Variants in PDZRN4 observed in about 807,000 individuals in gnomAD.
PDZRN4 encodes PDZ domain containing ring finger 4, also known as PDZ domain-containing RING finger protein 4.
Under a neutral mutation model 99.0 loss-of-function variants are expected in PDZRN4, and 70 were observed. The ratio of observed to expected loss-of-function variants is 0.71; its 90% CI spans 0.58 to 0.86. PDZRN4 has a LOEUF of 0.86. PDZRN4 is among the 40% of genes least tolerant of loss of function. The pLI is 0.00. For synonymous variants in PDZRN4, 551 were observed against 501.6 expected (o/e 1.10, Z -1.32); for missense variants, 1,474 against 1,331.2 (o/e 1.11, Z -1.67).
chr12:41,569,622 C>T (rs1053017858), intron 9 of PDZRN4, among the ~76,000 whole-genome samples: 4 of 152,194 alleles, frequency 2.6e-5, no homozygotes, highest in African/African-American at 7.2e-5. Context: ...GGCTTAGAAA[C>T]TTGCAGCACA....
At chr12:41,215,629 A>T (rs1950915161) in intron 3 of PDZRN4, among the ~76,000 whole-genome samples, 1 of 152,034 alleles carries the variant, frequency 6.6e-6, no homozygotes, top group Non-Finnish European at 1.5e-5. Flanking sequence ...TGCCATGATG[A>T]TTACATAGAC....
chr12:41,346,039 G>T (rs936154998), intron 3 of PDZRN4, among the ~76,000 whole-genome samples: 1 of 152,018 alleles, frequency 6.6e-6, no homozygotes, highest in Non-Finnish European at 1.5e-5. Flanking sequence ...ATTTAATCTT[G>T]AAATGATCAA....
At chr12:41,541,025 C>T (rs1244438207) in intron 5 of PDZRN4, among the ~76,000 whole-genome samples, 5 of 151,962 alleles carry the variant, frequency 3.3e-5, no homozygotes, top group African/African-American at 7.2e-5. Context: ...CCTGGGTTCA[C>T]GCCATTCTCC....
At chr12:41,347,880 G>T (rs1014871339) in intron 3 of PDZRN4, among the ~76,000 whole-genome samples, 4 of 152,004 alleles carry the variant, frequency 2.6e-5, no homozygotes, top group Non-Finnish European at 5.9e-5. Flanking sequence ...TTAAGTGAAC[G>T]AAGCAAATAT....
chr12:41,318,096 T>C (rs1234325157), intron 3 of PDZRN4, among the ~76,000 whole-genome samples: 2 of 152,150 alleles, frequency 1.3e-5, no homozygotes, highest in Admixed American at 6.5e-5. Flanking sequence ...TTATTGAATA[T>C]CCCATTAAAA....
chr12:41,516,755 C>T (rs953155916), intron 5 of PDZRN4, among the ~76,000 whole-genome samples: 3 of 150,364 alleles, frequency 2.0e-5, no homozygotes, highest in African/African-American at 7.3e-5. Context: ...ATGTATGGCT[C>T]ATTATGAATA....
intron 5 of PDZRN4, among the ~76,000 whole-genome samples, chr12:41,532,780 C>G (rs1442903511): frequency 6.6e-6 from 1 of 152,108 alleles, no homozygotes; most frequent in Admixed American, 6.5e-5. Flanking sequence ...TATTTATATA[C>G]CAAACCCTTA....
At chr12:41,317,048 G>GTATACATACATATATATATATA (rs374645706) in intron 3 of PDZRN4, among the ~76,000 whole-genome samples, 6,524 of 69,350 alleles carry the variant, frequency 0.094, 1,372 homozygotes, top group Admixed American at 0.15. Context: ...CTTACATAAA[G>GTATACATACATATATATATATA]TATATATATA....
chr12:41,209,305 A>G (rs1407735927), intron 3 of PDZRN4, among the ~76,000 whole-genome samples: 1 of 151,000 alleles, frequency 6.6e-6, no homozygotes, highest in Non-Finnish European at 1.5e-5. Flanking sequence ...CATAAGCACA[A>G]TGTCAATGGC....
chr12:41,192,648 A>T lies in PDZRN4; in HGVS notation c.735+1104A>T, dbSNP rs78292923. ...ACTCAGTTTGAAGATGCTAATACAG[A>T]CTAGGAAGAAAATTATATTGAATGA... is the stretch of plus-strand genomic sequence containing the variant. On this transcript the variant is annotated intron_variant, in intron 2 of 9. Transcript: ENST00000402685. Among the ~76,000 whole-genome samples the T allele has an allele frequency of 5.7e-4, 87 of 152,330 alleles. 1 individual carries two copies. In the East Asian group the frequency reaches 0.013, roughly 24 times the overall value.
At chr12:41,372,772 C>A (rs1034027411) in intron 3 of PDZRN4, among the ~76,000 whole-genome samples, 4 of 152,050 alleles carry the variant, frequency 2.6e-5, no homozygotes, top group African/African-American at 9.7e-5. Context: ...ACAGTTTAGA[C>A]TTTATCCTGA....
chr12:41,404,534 C>T (rs184576889), intron 3 of PDZRN4, among the ~76,000 whole-genome samples: 139 of 152,104 alleles, frequency 9.1e-4, no homozygotes, highest in African/African-American at 3.2e-3. Context: ...AAAAACATTC[C>T]ACACTCTTGG....
intron 3 of PDZRN4, among the ~76,000 whole-genome samples, chr12:41,303,689 T>C (rs777836820): frequency 3.3e-5 from 5 of 152,182 alleles, no homozygotes; most frequent in Non-Finnish European, 5.9e-5. Context: ...AGCATGTGAT[T>C]GAAAAGATTC....
At chr12:41,315,785 A>G (rs967777882) in intron 3 of PDZRN4, among the ~76,000 whole-genome samples, 4 of 152,144 alleles carry the variant, frequency 2.6e-5, no homozygotes, top group African/African-American at 9.7e-5. Flanking sequence ...TTTAAATTGT[A>G]TTGCAAGTTG....
intron 7 of PDZRN4, among the ~76,000 whole-genome samples, chr12:41,562,459 C>T (rs1054535212): frequency 4.6e-5 from 7 of 152,092 alleles, no homozygotes; most frequent in Non-Finnish European, 1.0e-4. Flanking sequence ...GTCAGTGCTG[C>T]TACATTTTCC....
chr12:41,508,600 C>A (rs948396608), intron 4 of PDZRN4, among the ~76,000 whole-genome samples: 1 of 152,118 alleles, frequency 6.6e-6, no homozygotes, highest in African/African-American at 2.4e-5. Flanking sequence ...CAGCAGGCTT[C>A]GATATTCCAA....
chr12:41,556,904 C>T (rs981094099), intron 7 of PDZRN4, among the ~76,000 whole-genome samples: 1 of 151,714 alleles, frequency 6.6e-6, no homozygotes, highest in African/African-American at 2.4e-5. Context: ...AATCCCAGCA[C>T]TTTGGAAGGC....
At chr12:41,568,553 A>C (rs1211549198) in intron 9 of PDZRN4, among the ~76,000 whole-genome samples, 1 of 152,200 alleles carries the variant, frequency 6.6e-6, no homozygotes, top group East Asian at 1.9e-4. Context: ...ATATGTTCCA[A>C]GTACCCCACT....
At chr12:41,198,156 G>C (rs111481575) in intron 3 of PDZRN4, among the ~76,000 whole-genome samples, 1 of 151,968 alleles carries the variant, frequency 6.6e-6, no homozygotes, top group Non-Finnish European at 1.5e-5. Context: ...GGGCTCAAGC[G>C]ACCTGTCCAC....
Sources: allele counts gnomAD v4.1 joint callset (sites outside exome capture counted in the v4.1 genomes callset), GRCh38; gene constraint gnomAD v4.1.1; transcripts MANE v1.5; gene names NCBI Gene and HGNC (gene_info 2026-07-23, HGNC 2026-07-21).